The following CADM2 variants were observed in gnomAD, a reference collection of about 807,000 sequenced individuals.
CADM2 encodes the protein cell adhesion molecule 2.
Under a neutral mutation model 49.8 loss-of-function variants are expected in CADM2, and 12 were observed. That is an observed-to-expected ratio of 0.24 (90% confidence interval 0.15 to 0.39). The LOEUF is 0.39. Among genes scored for constraint, CADM2 ranks in the 10% least tolerant of loss-of-function variants. The probability of loss-of-function intolerance (pLI) is 1.00; values close to 1 mark genes in which losing one functional copy is unlikely to be tolerated. For missense variants in CADM2, 378 were observed against 492.3 expected (o/e 0.77, Z 2.20); for synonymous variants, 214 against 175.4 (o/e 1.22, Z -1.74).
chr3:85,655,849 T>G (rs2065181480), intron 1 of CADM2, among the ~76,000 whole-genome samples: 1 of 152,224 alleles, frequency 6.6e-6, no homozygotes, highest in Non-Finnish European at 1.5e-5. Flanking sequence ...ATAGCACATA[T>G]GTCCAACAAT....
intron 1 of CADM2, among the ~76,000 whole-genome samples, chr3:85,054,302 C>G (rs2035992696): frequency 6.6e-6 from 1 of 151,676 alleles, no homozygotes. Flanking sequence ...AAGACTTTCT[C>G]TGAGTACAGG....
At chr3:86,060,541 G>A (rs1308544876) in intron 8 of CADM2, among the ~76,000 whole-genome samples, 1 of 152,044 alleles carries the variant, frequency 6.6e-6, no homozygotes, top group Non-Finnish European at 1.5e-5. Flanking sequence ...AAAATACAAG[G>A]ATATGTAAAG....
At chr3:85,741,719 C>A (rs1439373141) in intron 2 of CADM2, among the ~76,000 whole-genome samples, 1 of 152,288 alleles carries the variant, frequency 6.6e-6, no homozygotes, top group East Asian at 1.9e-4. Context: ...TCCACTACCA[C>A]CTTTATTATT....
chr3:85,441,572 C>T (rs2037202847), intron 1 of CADM2, among the ~76,000 whole-genome samples: 1 of 151,900 alleles, frequency 6.6e-6, no homozygotes, highest in Admixed American at 6.6e-5. Flanking sequence ...GATTTTTATC[C>T]TCTCTTTATT....
intron 1 of CADM2, among the ~76,000 whole-genome samples, chr3:85,437,033 G>A (rs2036963110): frequency 6.6e-6 from 1 of 151,726 alleles, no homozygotes; most frequent in Non-Finnish European, 1.5e-5. Context: ...CTGGCAACCA[G>A]TGATCTTTTT....
intron 5 of CADM2, among the ~76,000 whole-genome samples, chr3:85,898,313 TATAG>T (rs1354876280): frequency 2.0e-4 from 30 of 152,074 alleles, no homozygotes; most frequent in Admixed American, 5.9e-4. Flanking sequence ...AAAATCAATA[TATAG>T]ATATTTAAAT....
intron 1 of CADM2, among the ~76,000 whole-genome samples, chr3:85,231,653 T>G (rs1446450040): frequency 6.7e-6 from 1 of 148,716 alleles, no homozygotes; most frequent in East Asian, 2.0e-4. Flanking sequence ...TTTTTGAGTC[T>G]GGGGCTCAAA....
chr3:85,245,012 CGTAA>C (rs1428154458), intron 1 of CADM2, among the ~76,000 whole-genome samples: 1 of 152,042 alleles, frequency 6.6e-6, no homozygotes, highest in Non-Finnish European at 1.5e-5. Flanking sequence ...TCTCAAGTCA[CGTAA>C]TAGTCATTTC....
chr3:85,320,103 G>A (rs1320121794), intron 1 of CADM2, among the ~76,000 whole-genome samples: 1 of 152,128 alleles, frequency 6.6e-6, no homozygotes, highest in Non-Finnish European at 1.5e-5. Flanking sequence ...GCCCCCAGGG[G>A]AACATTTGGC....
At chr3:85,149,000 T>C (rs1277990945) in intron 1 of CADM2, among the ~76,000 whole-genome samples, 1 of 152,050 alleles carries the variant, frequency 6.6e-6, no homozygotes, top group Non-Finnish European at 1.5e-5. Flanking sequence ...ATGTATTTTC[T>C]CCCAATACGT....
chr3:85,726,164 G>A (rs1304166715), intron 1 of CADM2, among the ~76,000 whole-genome samples: 1 of 151,854 alleles, frequency 6.6e-6, no homozygotes, highest in African/African-American at 2.4e-5. Flanking sequence ...CAATCTGATT[G>A]TTAAATAGTA....
chr3:85,308,792 A>G (rs2044276308), intron 1 of CADM2, among the ~76,000 whole-genome samples: 1 of 152,042 alleles, frequency 6.6e-6, no homozygotes, highest in African/African-American at 2.4e-5. Flanking sequence ...AATTTGATTC[A>G]ACTCTCAGAT....
intron 1 of CADM2, among the ~76,000 whole-genome samples, chr3:85,429,333 C>T (rs961444973): frequency 1.3e-5 from 2 of 152,102 alleles, no homozygotes; most frequent in Admixed American, 6.6e-5. Flanking sequence ...ACGATGAAAA[C>T]AATTGCATTC....
chr3:85,968,239 G>C (rs533132420), intron 8 of CADM2, among the ~76,000 whole-genome samples: 52 of 151,750 alleles, frequency 3.4e-4, no homozygotes, highest in African/African-American at 1.2e-3. Context: ...TCTGATGCCT[G>C]TAGGAAAGGT....
chr3:85,814,585 G>GT (rs2073092157), intron 3 of CADM2, among the ~76,000 whole-genome samples: 1 of 152,034 alleles, frequency 6.6e-6, no homozygotes, highest in African/African-American at 2.4e-5. Context: ...CCAGGATCTG[G>GT]TTTTTTGAAA....
At chr3:85,906,683 G>T (rs1051607525) in intron 5 of CADM2, among the ~76,000 whole-genome samples, 12 of 152,158 alleles carry the variant, frequency 7.9e-5, no homozygotes, top group Non-Finnish European at 1.5e-4. Flanking sequence ...TTTGCCTCAA[G>T]AATTTGTTTG....
intron 1 of CADM2, among the ~76,000 whole-genome samples, chr3:85,044,262 A>G (rs1041965167): frequency 3.9e-5 from 6 of 152,196 alleles, no homozygotes; most frequent in African/African-American, 1.4e-4. Flanking sequence ...CCAAAACTGT[A>G]CTGAATACAA....
intron 1 of CADM2, among the ~76,000 whole-genome samples, chr3:85,438,814 A>T (rs910854560): frequency 6.6e-6 from 1 of 152,016 alleles, no homozygotes; most frequent in African/African-American, 2.4e-5. Context: ...CTGGGACTAA[A>T]AGTGTGAGCC....
chr3:85,910,081 C>G (rs1717379526), intron 5 of CADM2, among the ~76,000 whole-genome samples: 1 of 152,164 alleles, frequency 6.6e-6, no homozygotes. Context: ...TATACAATTG[C>G]TATCAAATGT....
Sources: allele counts gnomAD v4.1 joint callset (sites outside exome capture counted in the v4.1 genomes callset), GRCh38; gene constraint gnomAD v4.1.1; transcripts MANE v1.5; gene names NCBI Gene and HGNC (gene_info 2026-07-23, HGNC 2026-07-21).